MCCC1: variants seen among roughly 807,000 people sequenced by gnomAD.
The protein encoded by MCCC1 is methylcrotonyl-CoA carboxylase subunit 1.
MCCC1 carries 64 observed loss-of-function variants against 83.8 expected under a neutral mutation model. The ratio of observed to expected loss-of-function variants is 0.76; its 90% CI spans 0.62 to 0.94. The LOEUF is 0.94. MCCC1 is among the 40% of genes least tolerant of loss of function. MCCC1 has a pLI of 0.00. For synonymous variants in MCCC1, 322 were observed against 315.4 expected (o/e 1.02, Z -0.22); for missense variants, 807 against 904.7 (o/e 0.89, Z 1.39).
chr3:183,056,353 GA>G, intron 8 of MCCC1, among the ~76,000 whole-genome samples: 1 of 151,794 alleles, frequency 6.6e-6, no homozygotes, highest in African/African-American at 2.4e-5. Context: ...AATATTTATT[GA>G]AAAAAAATCT....
intron 13 of MCCC1, among the ~76,000 whole-genome samples, chr3:183,036,385 G>T (rs1417666441): frequency 1.3e-5 from 2 of 152,100 alleles, no homozygotes; most frequent in African/African-American, 4.8e-5. Context: ...TCCAGTCTTA[G>T]ATTGTCTTGA....
intron 1 of MCCC1, among the ~76,000 whole-genome samples, chr3:183,111,117 G>C (rs1405624206): frequency 1.3e-5 from 2 of 152,084 alleles, no homozygotes; most frequent in African/African-American, 2.4e-5. Flanking sequence ...AATTATATAA[G>C]AGTTCCTTAT....
chr3:183,061,058 C>G (rs1715796511), intron 7 of MCCC1, among the ~76,000 whole-genome samples: 1 of 152,096 alleles, frequency 6.6e-6, no homozygotes, highest in Non-Finnish European at 1.5e-5. Flanking sequence ...TAATAACCTG[C>G]CAAAGGCCCC....
intron 17 of MCCC1, 29 bp downstream of exon 17, chr3:183,020,101 A>T (rs778862234): frequency 3.7e-5 from 56 of 1,533,976 alleles, no homozygotes; most frequent in Non-Finnish European, 4.9e-5. Context: ...AACTTACTGA[A>T]CATCATTCTA....
At chr3:183,073,849 C>T (rs960411038) in intron 4 of MCCC1, among the ~76,000 whole-genome samples, 1 of 152,184 alleles carries the variant, frequency 6.6e-6, no homozygotes, top group Non-Finnish European at 1.5e-5. Context: ...CATCATTGCT[C>T]TTGCATTTTG....
intron 1 of MCCC1, among the ~76,000 whole-genome samples, chr3:183,109,581 TGA>T (rs1719462197): frequency 1.3e-5 from 2 of 152,284 alleles, no homozygotes; most frequent in East Asian, 3.9e-4. Context: ...GCAAAGGACA[TGA>T]TTTCTTTCTT....
chr3:183,023,895 A>T (rs564325024), intron 15 of MCCC1, among the ~76,000 whole-genome samples: 1 of 152,308 alleles, frequency 6.6e-6, no homozygotes, highest in Non-Finnish European at 1.5e-5. Context: ...AGGTTCTCAA[A>T]ATATGACCTA....
chr3:183,054,233 T>C (rs1715236821), intron 8 of MCCC1, among the ~76,000 whole-genome samples: 1 of 149,784 alleles, frequency 6.7e-6, no homozygotes, highest in African/African-American at 2.5e-5. Flanking sequence ...TCGCCCAGGC[T>C]GGAGTGCAGT....
At chr3:183,069,258 G>A (rs1053420283) in intron 7 of MCCC1, among the ~76,000 whole-genome samples, 2 of 152,142 alleles carry the variant, frequency 1.3e-5, no homozygotes, top group African/African-American at 2.4e-5. Flanking sequence ...ATAATGTGAC[G>A]CAATGTATGG....
chr3:183,100,481 C>G (rs982481856), upstream of MCCC1, among the ~76,000 whole-genome samples: 7 of 152,180 alleles, frequency 4.6e-5, no homozygotes, highest in African/African-American at 1.7e-4. Flanking sequence ...CAAGAAAATT[C>G]CACACAAATG....
intron 15 of MCCC1, 22 bp downstream of exon 15, chr3:183,025,733 G>A: frequency 6.2e-7 from 1 of 1,609,154 alleles, no homozygotes; most frequent in Non-Finnish European, 8.5e-7. Flanking sequence ...CTGCACTGTA[G>A]AACAAAACCA....
At chr3:183,042,041 T>C (rs1281221253) in intron 10 of MCCC1, among the ~76,000 whole-genome samples, 1 of 152,206 alleles carries the variant, frequency 6.6e-6, no homozygotes, top group Non-Finnish European at 1.5e-5. Context: ...TTGTTCAATA[T>C]AATCAAAACC....
intron 16 of MCCC1, among the ~76,000 whole-genome samples, chr3:183,020,830 T>C (rs1273534907): frequency 2.0e-5 from 3 of 152,080 alleles, no homozygotes; most frequent in African/African-American, 4.8e-5. Context: ...GAGGCCAAGG[T>C]GGGCAGATCA....
intron 9 of MCCC1, among the ~76,000 whole-genome samples, chr3:183,048,655 T>G (rs1436654430): frequency 6.6e-6 from 1 of 152,228 alleles, no homozygotes; most frequent in Non-Finnish European, 1.5e-5. Context: ...AGTTGGAGAC[T>G]TTAACACCCA....
At chr3:183,031,645 C>T (rs1713084188) in intron 14 of MCCC1, among the ~76,000 whole-genome samples, 2 of 151,674 alleles carry the variant, frequency 1.3e-5, no homozygotes, top group African/African-American at 4.8e-5. Context: ...CTACAGGCGC[C>T]CACCACCATG....
At chr3:183,017,685 T>C (rs1711774094) in intron 17 of MCCC1, 1 of 307,242 alleles carries the variant, frequency 3.3e-6, no homozygotes, top group Non-Finnish European at 6.2e-6. Context: ...ACAGGTCAAA[T>C]GCACTGGTCA....
rs553472679 is a variant in MCCC1 at position 183,088,283 on chromosome 3, T to G, written c.274-1495A>C. 7.3e-5 allele frequency among the ~76,000 whole-genome samples: 11 copies of G among 151,310 alleles called. No homozygotes were observed. The East Asian group carries it at 2.0e-3, about 27-fold the overall frequency. On this transcript the variant is annotated intron_variant, in intron 3 of 18. Transcript: ENST00000265594. ...ATGTAGTGGCGCGATCTCGGCTCAC[T>G]GCAACCTCTGCCTCCCGGGTTCGAG... is the stretch of plus-strand genomic sequence containing the variant.
chr3:183,068,253 T>C (rs905843712), intron 7 of MCCC1, among the ~76,000 whole-genome samples: 14 of 152,142 alleles, frequency 9.2e-5, no homozygotes, highest in African/African-American at 3.1e-4. Flanking sequence ...CAAGAAGAGA[T>C]AGAAGGTCAG....
intron 14 of MCCC1, 72 bp downstream of exon 14, chr3:183,033,919 G>T: frequency 8.3e-7 from 1 of 1,204,566 alleles, no homozygotes; most frequent in East Asian, 2.3e-5. Context: ...GGCCAGGCTG[G>T]AATCCTCTTT....
Sources: gnomAD v4.1 joint callset for allele counts (sites outside exome capture counted in the v4.1 genomes callset) on GRCh38, gnomAD v4.1.1 for gene constraint, MANE v1.5 for transcripts, NCBI Gene and HGNC (gene_info 2026-07-23, HGNC 2026-07-21) for gene names.